Variants in PLGRKT observed in about 807,000 individuals in gnomAD.
The protein encoded by PLGRKT is plasminogen receptor (KT).
In PLGRKT, 22 loss-of-function variants were observed where a neutral mutation model predicts 18.5. The observed-to-expected ratio is 1.19, with a 90% confidence interval of 0.85 to 1.70. The LOEUF is 1.70. Ranked by LOEUF, PLGRKT falls within the 40% of genes most tolerant of loss-of-function variation. The probability of loss-of-function intolerance (pLI) is 0.00; values close to 1 mark genes in which losing one functional copy is unlikely to be tolerated. For missense variants in PLGRKT, 235 were observed against 174.4 expected, an observed-to-expected ratio of 1.35 and a Z score of -1.96; for synonymous variants, 72 against 52.8, an observed-to-expected ratio of 1.36 and a Z score of -1.58.
chr9:5,424,802 T>A (rs933712006), intron 3 of PLGRKT, among the ~76,000 whole-genome samples: 1 of 149,844 alleles, frequency 6.7e-6, no homozygotes, highest in African/African-American at 2.5e-5. Flanking sequence ...GTGATCCTCC[T>A]CCCAAGTAGC....
At chr9:5,398,326 T>C (rs564206611) in intron 3 of PLGRKT, among the ~76,000 whole-genome samples, 3 of 151,968 alleles carry the variant, frequency 2.0e-5, no homozygotes, top group Non-Finnish European at 4.4e-5. Flanking sequence ...AGAAGCAATA[T>C]GCTTTTAATC....
chr9:5,432,321 T>C (rs2131178523), intron 2 of PLGRKT, among the ~76,000 whole-genome samples: 1 of 152,294 alleles, frequency 6.6e-6, no homozygotes, highest in South Asian at 2.1e-4. Flanking sequence ...AAAACAACTC[T>C]CTTTTTTTGT....
Position 5,396,941 on chromosome 9 carries a change from C to T in PLGRKT, c.81+34956G>A, listed in dbSNP as rs145885852. ...ACATGATTCTCATCTTAAAATTATA[C>T]AGTTCAATGTGATTCATACTTCACA... On this transcript the variant is annotated intron_variant, in intron 3 of 5. Coordinates refer to ENST00000223864, the MANE Select transcript of PLGRKT (RefSeq NM_018465.4). 6.0e-3 allele frequency among the ~76,000 whole-genome samples: 915 copies of T among 152,062 alleles called. 32 individuals carry two copies. The highest frequency in any genetic ancestry group is 0.021 in the African/African-American group (876 of 41,338).
In PLGRKT at chr9:5,418,715, GC is replaced by G. The variant is rs1465924140; in HGVS notation, c.81+13181del. 1 of 667,200 alleles carries G rather than the reference GC, an allele frequency of 1.5e-6. No homozygotes were observed. The highest frequency in any genetic ancestry group is 1.8e-5 in the African/African-American group (1 of 56,066). 41.3% of individuals were successfully genotyped at this position (667,200 alleles called of 1,614,324 possible). On this transcript the variant is annotated intron_variant, in intron 3 of 5. Coordinates refer to ENST00000223864, the MANE Select transcript of PLGRKT (RefSeq NM_018465.4). The surrounding 1 kb of genome is among the most constrained non-coding windows in gnomAD (Gnocchi z 4.2). ...CTGCCGGGAAGTCTGATGAAGACCG[GC>G]ATGTGCTCCGAAGCGTGTGGAATGG...
chr9:5,369,777 T>C (rs1004371182), intron 3 of PLGRKT, among the ~76,000 whole-genome samples: 5 of 152,338 alleles, frequency 3.3e-5, no homozygotes, highest in African/African-American at 1.2e-4. Flanking sequence ...GATGAGTTCA[T>C]GTCCTTTGCA....
chr9:5,421,891 T>A (rs1299177179), intron 3 of PLGRKT, among the ~76,000 whole-genome samples: 1 of 152,184 alleles, frequency 6.6e-6, no homozygotes, highest in Non-Finnish European at 1.5e-5. Flanking sequence ...GCAAAAAGAA[T>A]AATGACTACA....
chr9:5,384,926 A>G (rs555877819), intron 3 of PLGRKT, among the ~76,000 whole-genome samples: 28 of 152,252 alleles, frequency 1.8e-4, no homozygotes, highest in African/African-American at 6.7e-4. Flanking sequence ...ATGTGAATTC[A>G]TTTTCCTCTG....
chr9:5,414,458 G>A (rs565279584), intron 3 of PLGRKT, among the ~76,000 whole-genome samples: 71 of 152,148 alleles, frequency 4.7e-4, no homozygotes, highest in Non-Finnish European at 8.8e-4. Context: ...ATGAGCTACC[G>A]TGAATGTATC....
intron 3 of PLGRKT, among the ~76,000 whole-genome samples, chr9:5,410,712 A>G (rs1448562709): frequency 6.6e-6 from 1 of 152,228 alleles, no homozygotes; most frequent in African/African-American, 2.4e-5. Context: ...AGCTCTTGGA[A>G]TAAGGCAGAT....
At chr9:5,431,060 A>G (rs1205435245) in intron 3 of PLGRKT, among the ~76,000 whole-genome samples, 1 of 152,188 alleles carries the variant, frequency 6.6e-6, no homozygotes, top group Non-Finnish European at 1.5e-5. Flanking sequence ...CAGAAGTCCA[A>G]AATGGGCTGG....
intron 3 of PLGRKT, among the ~76,000 whole-genome samples, chr9:5,395,277 T>C (rs1486750958): frequency 1.3e-5 from 2 of 151,932 alleles, no homozygotes; most frequent in Non-Finnish European, 2.9e-5. Context: ...TTGAGTAAAG[T>C]TACTGATATA....
chr9:5,412,751 A>G lies in PLGRKT; in HGVS notation c.81+19146T>C, dbSNP rs1376598980. Reference sequence around the variant, plus strand: ...TCAAGAATCAAAATGTAGAGTAAATAAAATATTGGTAACTTGACCACATAA... The same window carrying G: ...TCAAGAATCAAAATGTAGAGTAAATGAAATATTGGTAACTTGACCACATAA... On this transcript the variant is annotated intron_variant, in intron 3 of 5. Coordinates refer to ENST00000223864, the MANE Select transcript of PLGRKT (RefSeq NM_018465.4). Among the ~76,000 whole-genome samples, 3 of 152,368 alleles carry G rather than the reference A, an allele frequency of 2.0e-5. No individual in the cohort carries two copies. The East Asian group carries it at 5.8e-4, about 29-fold the overall frequency.
chr9:5,395,789 G>A (rs1818032673), intron 3 of PLGRKT, among the ~76,000 whole-genome samples: 1 of 147,298 alleles, frequency 6.8e-6, no homozygotes, highest in African/African-American at 2.6e-5. Flanking sequence ...ATTTTTCCAA[G>A]GCATTTTCAT....
chr9:5,415,761 C>T (rs1289812317), intron 3 of PLGRKT, among the ~76,000 whole-genome samples: 1 of 151,940 alleles, frequency 6.6e-6, no homozygotes, highest in African/African-American at 2.4e-5. Flanking sequence ...ATTGAACAAA[C>T]CCAAAGTAAG....
intron 5 of PLGRKT, among the ~76,000 whole-genome samples, chr9:5,359,473 G>A (rs1817214545): frequency 6.6e-6 from 1 of 152,102 alleles, no homozygotes. Context: ...CAAATAGCAA[G>A]TAAAATTCAT....
At chr9:5,393,853 G>C (rs1253299976) in intron 3 of PLGRKT, among the ~76,000 whole-genome samples, 2 of 151,776 alleles carry the variant, frequency 1.3e-5, no homozygotes, top group African/African-American at 4.9e-5. Context: ...CCGTTTTAAA[G>C]ATTTTTAAGA....
chr9:5,386,323 G>A (rs894944806), intron 3 of PLGRKT, among the ~76,000 whole-genome samples: 17 of 151,802 alleles, frequency 1.1e-4, no homozygotes, highest in African/African-American at 4.1e-4. Flanking sequence ...ATACCTTTAG[G>A]ATATTTTAGC....
At chr9:5,431,766 T>A (rs866753139) in intron 3 of PLGRKT, 131 bp downstream of exon 3, 3 of 593,296 alleles carry the variant, frequency 5.1e-6, no homozygotes, top group Admixed American at 3.0e-5. Flanking sequence ...AGCCATTTTA[T>A]CTTGGTTTTA....
intron 5 of PLGRKT, among the ~76,000 whole-genome samples, chr9:5,360,764 G>C (rs1231182634): frequency 1.3e-5 from 2 of 152,080 alleles, no homozygotes; most frequent in Admixed American, 1.3e-4. Context: ...TATTACCTTT[G>C]TTTTAAACAC....
Sources: allele counts gnomAD v4.1 joint callset (sites outside exome capture counted in the v4.1 genomes callset), GRCh38; gene constraint gnomAD v4.1.1; non-coding constraint Gnocchi (gnomAD v3.1); transcripts MANE v1.5; gene names NCBI Gene and HGNC (gene_info 2026-07-23, HGNC 2026-07-21).